The following CHST7 variants were observed in gnomAD, a reference collection of about 807,000 sequenced individuals.
CHST7 encodes carbohydrate sulfotransferase 7.
In CHST7, 5 loss-of-function variants were observed where a neutral mutation model predicts 9.0. The ratio of observed to expected loss-of-function variants is 0.56; its 90% CI spans 0.29 to 1.17. The LOEUF (loss-of-function observed/expected upper bound fraction) is 1.17. Among genes scored for constraint, CHST7 ranks in the 50% most tolerant of loss-of-function variants. CHST7 has a pLI of 0.08. For synonymous variants in CHST7, 244 were observed against 237.1 expected (o/e 1.03, Z -0.27); for missense variants, 377 against 485.1 (o/e 0.78, Z 2.09).
intron 1 of CHST7, among the ~76,000 whole-genome samples, chrX:46,578,340 A>C (rs1480755910): frequency 2.5e-5 from 2 of 79,737 alleles, no homozygotes; most frequent in Non-Finnish European, 4.3e-5. Context: ...ACAGTGGTGT[A>C]ATCTTGGCTC....
chrX:46,575,160 GCGGCGCGGCCTA>G lies in CHST7; in HGVS notation c.1236_1247del (p.Ala413_Ala416del). 1 of 1,097,263 alleles carries G rather than the reference GCGGCGCGGCCTA, an allele frequency of 9.1e-7. No homozygotes were observed. The highest frequency in any genetic ancestry group is 1.2e-6 in the Non-Finnish European group (1 of 848,605). The allele number at this position is 1,097,263 out of a possible 1,213,427, so 90.4% of individuals were successfully genotyped here. The stretch of plus-strand genomic sequence containing the variant: ...GATGCCTTCGCGCTCAACATGACTC[GCGGCGCGGCCTA>G]CGGCGCCGACCGGCCCTTCCACCTG... On this transcript the variant is annotated inframe_deletion, in exon 1 of 2. Transcript: ENST00000276055.
chrX:46,595,496 AT>A (rs770039668), intron 1 of CHST7, among the ~76,000 whole-genome samples: 18 of 105,674 alleles, frequency 1.7e-4, no homozygotes, highest in East Asian at 1.2e-3. Flanking sequence ...AGGAGAGGGG[AT>A]TTTTTTTTTT....
At chrX:46,585,630 A>G (rs1443269788) in intron 1 of CHST7, among the ~76,000 whole-genome samples, 3 of 111,855 alleles carry the variant, frequency 2.7e-5, no homozygotes, top group African/African-American at 3.2e-5. Context: ...ACAGAGGGCA[A>G]TTTTGCAAAA....
chrX:46,592,395 G>C (rs1439191880), intron 1 of CHST7, among the ~76,000 whole-genome samples: 1 of 111,822 alleles, frequency 8.9e-6, no homozygotes, highest in Non-Finnish European at 1.9e-5. Context: ...TTTGAGACAG[G>C]GTCTCACTCC....
intron 1 of CHST7, among the ~76,000 whole-genome samples, chrX:46,577,483 C>G (rs905611955): frequency 9.0e-6 from 1 of 111,438 alleles, no homozygotes; most frequent in African/African-American, 3.3e-5. Context: ...GATGGGTTTT[C>G]CAAAAGTTTG....
intron 1 of CHST7, among the ~76,000 whole-genome samples, chrX:46,585,176 G>GA (rs1942542650): frequency 9.1e-6 from 1 of 109,774 alleles, no homozygotes; most frequent in Admixed American, 9.7e-5. Flanking sequence ...TATAATAAAG[G>GA]AAAAAAACAC....
intron 1 of CHST7, among the ~76,000 whole-genome samples, chrX:46,577,032 C>A (rs1942502606): frequency 9.0e-6 from 1 of 110,956 alleles, no homozygotes; most frequent in Non-Finnish European, 1.9e-5. Context: ...TGTCCCTAAC[C>A]CTTCTTCACA....
intron 1 of CHST7, among the ~76,000 whole-genome samples, chrX:46,578,501 A>C (rs1483306467): frequency 9.2e-6 from 1 of 108,976 alleles, no homozygotes; most frequent in Non-Finnish European, 1.9e-5. Flanking sequence ...CCCAGGGTTA[A>C]GCAATCCTCC....
Position 46,575,404 on chromosome X carries a change from T to A in CHST7, c.*12T>A, listed in dbSNP as rs908302858. On this transcript the variant is annotated 3_prime_UTR_variant, in exon 1 of 2. Coordinates refer to ENST00000276055, the MANE Select transcript of CHST7 (RefSeq NM_019886.4). The stretch of plus-strand genomic sequence containing the variant: ...ACGGCGCCACGTAGCCTCCCATCCC[T>A]GTCCCCGGCACGGATCCGGGTAAGG... The A allele has an allele frequency of 9.7e-7, 1 of 1,027,023 alleles. No individual in the cohort carries two copies. Among genetic ancestry groups the A allele is most frequent in the Non-Finnish European group, 1.2e-6 (1 of 809,030 alleles). 84.6% of individuals were successfully genotyped at this position (1,027,023 alleles called of 1,213,427 possible).
intron 1 of CHST7, among the ~76,000 whole-genome samples, chrX:46,575,736 G>A (rs1206384514): frequency 8.9e-6 from 1 of 112,089 alleles, no homozygotes; most frequent in South Asian, 3.7e-4. Context: ...GAGGAGAGTA[G>A]AGAAGGTTTG....
chrX:46,575,025 G>T lies in CHST7; in HGVS notation c.1094G>T (p.Trp365Leu), dbSNP rs1374670434. 4 of 1,129,452 alleles carry T rather than the reference G, an allele frequency of 3.5e-6. No homozygotes were observed. The African/African-American group carries it at 5.7e-5, about 16-fold the overall frequency. The allele number at this position is 1,129,452 out of a possible 1,213,427, so 93.1% of individuals were successfully genotyped here. ...DLLFARGAPA[W>L]LRRRYLRLRY... ...CTTTTCGCGCGCGGCGCGCCCGCCT[G>T]GCTGCGGCGCCGCTACCTGAGGCTG... The change falls in exon 1 of 2, where the codon TGG (tryptophan) becomes TTG (leucine). Residue 365 changes from tryptophan (W) to leucine (L), a missense_variant. Physicochemically the swap from Trp to Leu is moderately conservative, Grantham distance 61 (BLOSUM62 -2). Around this residue, in one of 3 missense-constraint regions of CHST7, gnomAD observed 130 missense variants for 134.9 expected, o/e 0.96. Transcript: ENST00000276055.
At chrX:46,578,497 GT>G (rs1942510298) in intron 1 of CHST7, among the ~76,000 whole-genome samples, 3 of 107,475 alleles carry the variant, frequency 2.8e-5, no homozygotes, top group Admixed American at 1.0e-4. Context: ...ACTTCCCAGG[GT>G]TAAGCAATCC....
At chrX:46,584,955 G>A (rs778626164) in intron 1 of CHST7, among the ~76,000 whole-genome samples, 1 of 111,462 alleles carries the variant, frequency 9.0e-6, no homozygotes, top group East Asian at 2.8e-4. Context: ...CTTTTCCCAT[G>A]ATTGAGACCA....
intron 1 of CHST7, among the ~76,000 whole-genome samples, chrX:46,575,817 TTGA>T (rs1170909754): frequency 1.8e-5 from 2 of 111,600 alleles, no homozygotes; most frequent in African/African-American, 6.5e-5. Flanking sequence ...CCATTTGAGG[TTGA>T]TGATTATGGA....
At chrX:46,579,054 TGAGAACC>T in intron 1 of CHST7, among the ~76,000 whole-genome samples, 1 of 111,448 alleles carries the variant, frequency 9.0e-6, no homozygotes, top group African/African-American at 3.3e-5. Context: ...TAGCCAAAGC[TGAGAACC>T]TCTGGCTCAG....
At chrX:46,589,890 CATTT>C (rs923048974) in intron 1 of CHST7, among the ~76,000 whole-genome samples, 5 of 111,595 alleles carry the variant, frequency 4.5e-5, no homozygotes, top group Admixed American at 2.9e-4. Flanking sequence ...AGCGGTACTT[CATTT>C]AAGTTCTTCA....
In CHST7 at chrX:46,574,288, A is replaced by T; in HGVS notation, c.357A>T (p.Glu119Asp). Reference sequence around the variant, plus strand: ...GCACCGGCTCGTCCTTCCTGGGCGAACTCTTTAACCAGCACCCGGACGTTT... The same window carrying T: ...GCACCGGCTCGTCCTTCCTGGGCGATCTCTTTAACCAGCACCCGGACGTTT... The part of the protein sequence containing the change: ...TWRTGSSFLG[E>D]LFNQHPDVFY... Residue 119 changes from glutamate (E) to aspartate (D), a missense_variant, in exon 1 of 2, where the codon GAA becomes GAT. By Grantham distance (45) the Glu-to-Asp change is conservative. This residue lies in a region of CHST7 where 239 missense variants were observed against 325.7 expected (regional missense o/e 0.73). Transcript: ENST00000276055. 1 of 1,210,317 alleles carries T rather than the reference A, an allele frequency of 8.3e-7. No individual in the cohort carries two copies.
rs1286474882 is a variant in CHST7 at position 46,578,372 on chromosome X, G to A, written c.*31+2949G>A. ...GCTCACTGCAATTTCCTCCTCCCAG[G>A]CTCAAGTGATCCTCCCACCTCAGCC... On this transcript the variant is annotated intron_variant, in intron 1 of 1. Coordinates refer to ENST00000276055, the MANE Select transcript of CHST7 (RefSeq NM_019886.4). 9.7e-5 allele frequency among the ~76,000 whole-genome samples: 9 copies of A among 92,916 alleles called. No homozygotes were observed. In the East Asian group the frequency reaches 3.3e-3, roughly 34 times the overall value. The allele number at this position is 92,916 out of a possible 115,157, so 80.7% of individuals were successfully genotyped here. A position where few individuals can be genotyped will look rare whatever the true frequency, so the allele number is the denominator to read the frequency against.
At chrX:46,578,299 G>A (rs1942509257) in intron 1 of CHST7, among the ~76,000 whole-genome samples, 1 of 35,582 alleles carries the variant, frequency 2.8e-5, no homozygotes, top group Admixed American at 3.4e-4. Flanking sequence ...TTTTTGAGTG[G>A]CAGCTCTTAC....
Sources: gnomAD v4.1 joint callset for allele counts (sites outside exome capture counted in the v4.1 genomes callset) on GRCh38, gnomAD v4.1.1 for gene constraint, gnomAD v4.1.1 regional missense constraint, MANE v1.5 for transcripts, NCBI Gene and HGNC (gene_info 2026-07-23, HGNC 2026-07-21) for gene names.